The following RSL1D1 variants were observed in gnomAD, a reference collection of about 807,000 sequenced individuals.
The protein encoded by RSL1D1 is ribosomal L1 domain-containing protein 1.
A neutral mutation model predicts 44.6 loss-of-function variants in RSL1D1; 34 were observed. That is an observed-to-expected ratio of 0.76 (90% CI 0.58 to 1.02). The LOEUF (loss-of-function observed/expected upper bound fraction) is 1.02, where lower values mean the gene tolerates loss of function less well. RSL1D1 is among the 50% of genes least tolerant of loss of function. RSL1D1 has a pLI of 0.00. For missense variants in RSL1D1, 767 were observed against 568.1 expected (o/e 1.35, Z -3.56); for synonymous variants, 271 against 207.4 (o/e 1.31, Z -2.63).
At chr16:11,846,320 A>C (rs1465343667) in intron 5 of RSL1D1, among the ~76,000 whole-genome samples, 181 bp downstream of exon 5, 1 of 150,982 alleles carries the variant, frequency 6.6e-6, no homozygotes, top group African/African-American at 2.4e-5. Context: ...GCGTGAACCC[A>C]GGAGGCGGAG....
rs1596443745 is a variant in RSL1D1, at chr16:11,850,406, C to T, written c.118G>A (p.Val40Met). 11 of 1,594,518 alleles carry T rather than the reference C, an allele frequency of 6.9e-6. No homozygotes were observed. The highest frequency in any genetic ancestry group is 4.5e-5 in the East Asian group (2 of 43,982). The stretch of plus-strand genomic sequence containing the variant: ...TTGCAATGCGTCAAGAGAGCGTCCA[C>T]TGCCTTTCTAACCTGCAAAGTGGAA... ...QLDKEQVRKA[V>M]DALLTHCKSR... The change falls in exon 2 of 9, where the codon GTG (valine) becomes ATG (methionine). Residue 40 changes from valine (V) to methionine (M), a missense_variant. Physicochemically the swap from Val to Met is conservative, Grantham distance 21. Coordinates refer to ENST00000571133, the MANE Select transcript of RSL1D1 (RefSeq NM_015659.3).
chr16:11,840,831 T>C (rs1387283690), intron 7 of RSL1D1, among the ~76,000 whole-genome samples: 1 of 152,168 alleles, frequency 6.6e-6, no homozygotes, highest in Non-Finnish European at 1.5e-5. Context: ...TGTAGGTGTA[T>C]GAGTTTGTCC....
chr16:11,848,629 G>A (rs1031091083), intron 2 of RSL1D1, among the ~76,000 whole-genome samples: 3 of 152,130 alleles, frequency 2.0e-5, no homozygotes, highest in Admixed American at 6.6e-5. Flanking sequence ...TGAGACTCCA[G>A]GCACGTACCA....
chr16:11,851,048 C>T (rs569399450), intron 1 of RSL1D1: 1 of 363,856 alleles, frequency 2.7e-6, no homozygotes, highest in Admixed American at 3.9e-5. Context: ...TTACCTCTCC[C>T]GATCCTGGAT....
rs764901572 is a variant in RSL1D1 at position 11,847,710 on chromosome 16, A to G, written c.342T>C (p.Tyr114=). The G allele has an allele frequency of 2.3e-5, 37 of 1,613,192 alleles. No homozygotes were observed. Among genetic ancestry groups the G allele is most frequent in the Admixed American group, 5.0e-5 (3 of 59,898 alleles). Residue 114 remains tyrosine (Y), a synonymous_variant, in exon 3 of 9, where the codon TAT becomes TAC. Transcript: ENST00000571133. ...NSTPEKTEQF[Y]RKLLNKHGIK... ...TTCCATGCTTGTTTAAAAGCTTTCTATAAAACTGTTCTGTCTTTTCAGGAG... is the reference window on the plus strand; with the variant it reads ...TTCCATGCTTGTTTAAAAGCTTTCTGTAAAACTGTTCTGTCTTTTCAGGAG...
chr16:11,850,454 T>A, intron 1 of RSL1D1, 36 bp from the exon 2 acceptor site: 1 of 1,582,082 alleles, frequency 6.3e-7, no homozygotes, highest in Non-Finnish European at 8.6e-7. Flanking sequence ...AGTGAAATGT[T>A]TTCACAATAA....
chr16:11,834,261 T>A lies in RSL1D1; in HGVS notation c.*3526A>T. The A allele has an allele frequency of 6.6e-6, 1 of 152,352 alleles. No homozygotes were observed. 9.4% of individuals were successfully genotyped at this position (152,352 alleles called of 1,614,324 possible). ...TGGTATAAAAGCGATACATAATCAG[T>A]ACAAACCATATACATACCACCATTT... On this transcript the variant is annotated 3_prime_UTR_variant, in exon 9 of 9. Transcript: ENST00000571133.
intron 7 of RSL1D1, chr16:11,841,491 T>A (rs2053763480): frequency 2.0e-6 from 1 of 500,472 alleles, no homozygotes; most frequent in Admixed American, 3.8e-5. Flanking sequence ...ATTTCTATCT[T>A]AATGCGCATT....
At position 11,841,793 on chromosome 16, in the gene RSL1D1, C is replaced by A; in HGVS notation, c.757G>T (p.Val253Leu). The change falls in exon 7 of 9, where the codon GTG becomes TTG. Residue 253 changes from valine to leucine, a missense_variant. Transcript: ENST00000571133. ...AGTGCAGCCGATTTCTCAGTTTTCA[C>A]AAACAGGAGTTTCACGCTCTCCCAC... ...EKWESVKLLF[V>L]KTEKSAALPI... is the part of the protein sequence containing the mutation. 6.2e-7 allele frequency: 1 copy of A among 1,614,070 alleles called. No individual in the cohort carries two copies. The highest frequency in any genetic ancestry group is 8.5e-7 in the Non-Finnish European group (1 of 1,179,996).
chr16:11,841,615 G>T, intron 7 of RSL1D1, 80 bp downstream of exon 7: 3 of 1,335,716 alleles, frequency 2.2e-6, no homozygotes, highest in African/African-American at 1.5e-5. Flanking sequence ...GTCGGGCAGC[G>T]ATGATGGTCT....
chr16:11,839,289 C>G (rs1456596087), intron 8 of RSL1D1, among the ~76,000 whole-genome samples: 2 of 150,816 alleles, frequency 1.3e-5, no homozygotes, highest in Non-Finnish European at 1.5e-5. Context: ...TTGCTTGAAC[C>G]AGGGAGGCGG....
intron 1 of RSL1D1, 27 bp from the exon 2 acceptor site, chr16:11,850,445 G>C (rs1200254897): frequency 6.3e-6 from 10 of 1,582,464 alleles, no homozygotes; most frequent in Non-Finnish European, 8.5e-6. Flanking sequence ...AGACAAATAA[G>C]TGAAATGTTT....
At chr16:11,846,990 G>C in intron 3 of RSL1D1, 147 bp from the exon 4 acceptor site, 2 of 697,522 alleles carry the variant, frequency 2.9e-6, no homozygotes, top group South Asian at 3.7e-5. Context: ...CCTAAAATGT[G>C]CCAGGCACTA....
At chr16:11,848,478 AT>A (rs2053814286) in intron 2 of RSL1D1, among the ~76,000 whole-genome samples, 2 of 152,164 alleles carry the variant, frequency 1.3e-5, no homozygotes, top group Non-Finnish European at 2.9e-5. Flanking sequence ...CTGGTTCAGA[AT>A]TTTACCTTCT....
At chr16:11,839,574 A>C in intron 8 of RSL1D1, 121 bp downstream of exon 8, 2 of 1,286,526 alleles carry the variant, frequency 1.6e-6, no homozygotes, top group Non-Finnish European at 2.1e-6. Context: ...TATGATAACC[A>C]CCTTCACAGT....
chr16:11,837,907 C>A lies in RSL1D1; in HGVS notation c.1353G>T (p.Ala451=). ...EKSPSLGKKD[A]RQTPKKPEAK... Reference sequence around the variant, plus strand: ...CCTCTGGCTTTTTTGGAGTCTGTCTCGCATCTTTTTTCCCCAGCGAAGGAC... The same window carrying A: ...CCTCTGGCTTTTTTGGAGTCTGTCTAGCATCTTTTTTCCCCAGCGAAGGAC... Residue 451 remains alanine, a synonymous_variant, in exon 9 of 9, where the codon GCG becomes GCT. Transcript: ENST00000571133. 1 of 1,613,996 alleles carries A rather than the reference C, an allele frequency of 6.2e-7. No individual in the cohort carries two copies. Among genetic ancestry groups the A allele is most frequent in the Non-Finnish European group, 8.5e-7 (1 of 1,180,008 alleles).
At chr16:11,843,591 G>C (rs990900888) in intron 5 of RSL1D1, among the ~76,000 whole-genome samples, 1 of 151,954 alleles carries the variant, frequency 6.6e-6, no homozygotes, top group African/African-American at 2.4e-5. Flanking sequence ...TTCTGTGGCT[G>C]GGCGTGGTGG....
At chr16:11,851,195 A>G (rs1596444067) in intron 1 of RSL1D1, 1 of 619,122 alleles carries the variant, frequency 1.6e-6, no homozygotes, top group Non-Finnish European at 2.9e-6. Flanking sequence ...CACACTTGCA[A>G]CCCAATTCAC....
At chr16:11,843,393 T>C (rs549581683) in intron 5 of RSL1D1, among the ~76,000 whole-genome samples, 3 of 151,758 alleles carry the variant, frequency 2.0e-5, no homozygotes, top group Non-Finnish European at 4.4e-5. Flanking sequence ...AAAGAGCTGG[T>C]AGCACCTGAC....
Sources: allele counts gnomAD v4.1 joint callset (sites outside exome capture counted in the v4.1 genomes callset), GRCh38; gene constraint gnomAD v4.1.1; transcripts MANE v1.5; gene names NCBI Gene and HGNC (gene_info 2026-07-23, HGNC 2026-07-21).